TGFBR3: variants seen among roughly 807,000 people sequenced by gnomAD.
TGFBR3 encodes the protein transforming growth factor beta receptor 3, also known as transforming growth factor beta receptor type 3.
Under a neutral mutation model 87.9 loss-of-function variants are expected in TGFBR3, and 46 were observed. The ratio of observed to expected loss-of-function variants is 0.52; its 90% confidence interval spans 0.41 to 0.67. The LOEUF is 0.67. TGFBR3 is among the 30% of genes least tolerant of loss of function. The pLI, the probability that TGFBR3 is intolerant of heterozygous loss-of-function variation, is 0.00. For synonymous variants in TGFBR3, 381 were observed against 391.6 expected (o/e 0.97, Z 0.32); for missense variants, 866 against 1,041.9 (o/e 0.83, Z 2.32).
chr1:91,846,091 C>T (rs1409321516), intron 2 of TGFBR3, among the ~76,000 whole-genome samples: 1 of 152,172 alleles, frequency 6.6e-6, no homozygotes, highest in Admixed American at 6.5e-5. Flanking sequence ...TAGAGCAGTA[C>T]ACTGGCAGTT....
chr1:91,820,085 C>A (rs752282096), intron 2 of TGFBR3, among the ~76,000 whole-genome samples: 1 of 152,174 alleles, frequency 6.6e-6, no homozygotes, highest in Non-Finnish European at 1.5e-5. Flanking sequence ...GCCTGCTAAC[C>A]TTTTACCTAT....
Position 91,734,891 on chromosome 1 carries a change from C to T in TGFBR3, c.453G>A (p.Arg151=), listed in dbSNP as rs17883665. The T allele has an allele frequency of 6.0e-4, 970 of 1,614,158 alleles. 1 individual carries two copies. The highest frequency in any genetic ancestry group is 1.9e-3 in the Admixed American group (117 of 60,030). ...GATGTTCATTTCCATGGGGGAAGTT[C>T]CTTTCTTCTGTTTCTGCTGTCAAGG... The part of the protein sequence containing the change: ...NFSLTAETEE[R]NFPHGNEHLL... Residue 151 remains arginine, a synonymous_variant, in exon 5 of 17, where the codon AGG becomes AGA. Coordinates refer to ENST00000212355, the MANE Select transcript of TGFBR3 (RefSeq NM_003243.5).
chr1:91,728,685 A>G (rs1198000660), intron 6 of TGFBR3, among the ~76,000 whole-genome samples: 1 of 152,164 alleles, frequency 6.6e-6, no homozygotes, highest in Non-Finnish European at 1.5e-5. Flanking sequence ...CACTTTCTAC[A>G]AAATTCTTCA....
intron 2 of TGFBR3, among the ~76,000 whole-genome samples, chr1:91,809,320 C>T (rs1289895556): frequency 6.6e-6 from 1 of 152,208 alleles, no homozygotes; most frequent in Non-Finnish European, 1.5e-5. Context: ...TGTGCAAAAG[C>T]ACGGAGGAAT....
intron 2 of TGFBR3, among the ~76,000 whole-genome samples, chr1:91,857,691 T>C (rs1345014374): frequency 6.6e-6 from 1 of 152,066 alleles, no homozygotes; most frequent in South Asian, 2.1e-4. Context: ...TTAATCCCAG[T>C]GCTTTGAGAG....
chr1:91,845,540 A>T (rs182452230), intron 2 of TGFBR3, among the ~76,000 whole-genome samples: 1 of 152,342 alleles, frequency 6.6e-6, no homozygotes, highest in Admixed American at 6.5e-5. Context: ...TCTCTCATCT[A>T]TAAGGGACAG....
At chr1:91,886,294 T>G, upstream of TGFBR3, 1 of 399,430 alleles carries the variant, frequency 2.5e-6, no homozygotes, top group South Asian at 1.8e-5. Context: ...GCCCAGAAAC[T>G]CCTCCTCCCG....
intron 3 of TGFBR3, among the ~76,000 whole-genome samples, chr1:91,790,630 G>A (rs1675152464): frequency 6.6e-6 from 1 of 152,170 alleles, no homozygotes; most frequent in African/African-American, 2.4e-5. Flanking sequence ...GATATACAGT[G>A]TCTGTGTGTG....
chr1:91,894,539 CA>C (rs1028221995), intron 2 of TGFBR3, among the ~76,000 whole-genome samples: 12 of 152,180 alleles, frequency 7.9e-5, no homozygotes, highest in African/African-American at 2.4e-5. Flanking sequence ...GTGGCAAGAC[CA>C]GTGACTGATA....
chr1:91,876,209 C>CT (rs1678802021), intron 1 of TGFBR3, among the ~76,000 whole-genome samples: 1 of 152,002 alleles, frequency 6.6e-6, no homozygotes, highest in Non-Finnish European at 1.5e-5. Flanking sequence ...AGTGACAAGA[C>CT]TAAGAGTTAT....
At chr1:91,757,419 AT>A (rs1373148533) in intron 4 of TGFBR3, among the ~76,000 whole-genome samples, 1 of 152,284 alleles carries the variant, frequency 6.6e-6, no homozygotes, top group Non-Finnish European at 1.5e-5. Context: ...TATAGTCACT[AT>A]TTTTTATGTG....
At chr1:91,865,789 G>C (rs1256469392) in intron 1 of TGFBR3, among the ~76,000 whole-genome samples, 5 of 151,992 alleles carry the variant, frequency 3.3e-5, no homozygotes, top group African/African-American at 1.2e-4. Flanking sequence ...GCAGGCACCT[G>C]TAGTCCCAGC....
chr1:91,715,273 T>C (rs890287177), intron 12 of TGFBR3, among the ~76,000 whole-genome samples: 2 of 152,246 alleles, frequency 1.3e-5, no homozygotes, highest in Non-Finnish European at 1.5e-5. Context: ...AACCTGGATG[T>C]TTGCATTGAT....
intron 4 of TGFBR3, among the ~76,000 whole-genome samples, chr1:91,746,850 A>T (rs1233473884): frequency 6.6e-6 from 1 of 152,204 alleles, no homozygotes; most frequent in Non-Finnish European, 1.5e-5. Context: ...TTGACAATAG[A>T]ACCAAAGACC....
upstream of TGFBR3, among the ~76,000 whole-genome samples, chr1:91,887,262 T>TTTTTTTTTTTTTTTTTTTTTTTTG (rs1165045165): frequency 1.6e-5 from 2 of 125,210 alleles, 1 homozygote; most frequent in African/African-American, 6.9e-5. Flanking sequence ...TTTTTTTTTT[T>TTTTTTTTTTTTTTTTTTTTTTTTG]TGAGATGGAG....
chr1:91,744,338 G>A (rs760891298), intron 4 of TGFBR3, among the ~76,000 whole-genome samples: 7 of 152,044 alleles, frequency 4.6e-5, no homozygotes, highest in East Asian at 1.9e-4. Context: ...TGCCCACCCC[G>A]GCCTCCCAAA....
At chr1:91,705,245 G>C (rs1671759038) in intron 14 of TGFBR3, among the ~76,000 whole-genome samples, 1 of 132,630 alleles carries the variant, frequency 7.5e-6, no homozygotes. Flanking sequence ...TTTTTTTTGA[G>C]ACAGAGTTTT....
At chr1:91,902,534 C>T (rs1384045049) in intron 1 of TGFBR3, among the ~76,000 whole-genome samples, 2 of 151,972 alleles carry the variant, frequency 1.3e-5, no homozygotes, top group Admixed American at 6.6e-5. Flanking sequence ...CTTCCTACCT[C>T]GGCCTCCCAA....
intron 14 of TGFBR3, among the ~76,000 whole-genome samples, chr1:91,699,774 G>C (rs1322632126): frequency 6.6e-6 from 1 of 152,220 alleles, no homozygotes; most frequent in Non-Finnish European, 1.5e-5. Flanking sequence ...CAGAATTCCA[G>C]AGTTCTGCCT....
Sources: gnomAD v4.1 joint callset for allele counts (sites outside exome capture counted in the v4.1 genomes callset) on GRCh38, gnomAD v4.1.1 for gene constraint, MANE v1.5 for transcripts, NCBI Gene and HGNC (gene_info 2026-07-23, HGNC 2026-07-21) for gene names.